Variants in RSRC1 observed in about 807,000 individuals in gnomAD.
RSRC1 encodes the protein arginine and serine rich coiled-coil 1, also known as serine/Arginine-related protein 53.
A neutral mutation model predicts 49.1 loss-of-function variants in RSRC1; 39 were observed. The ratio of observed to expected loss-of-function variants is 0.79; its 90% CI spans 0.61 to 1.04. The LOEUF is 1.04. Among genes scored for constraint, RSRC1 ranks in the 50% least tolerant of loss-of-function variants. The probability of loss-of-function intolerance (pLI) is 0.00; values close to 1 mark genes in which losing one functional copy is unlikely to be tolerated. For synonymous variants in RSRC1, 143 were observed against 130.8 expected (o/e 1.09, Z -0.63); for missense variants, 388 against 402.4 (o/e 0.96, Z 0.31).
chr3:158,376,838 A>G (rs1732402989), intron 6 of RSRC1, among the ~76,000 whole-genome samples: 1 of 144,416 alleles, frequency 6.9e-6, no homozygotes, highest in African/African-American at 2.6e-5. Context: ...TAGTCACTCT[A>G]TATGATTTCA....
intron 6 of RSRC1, among the ~76,000 whole-genome samples, chr3:158,401,512 C>G (rs138300272): frequency 1.3e-5 from 2 of 152,052 alleles, no homozygotes; most frequent in East Asian, 3.9e-4. Context: ...CAAGAAATTG[C>G]ATGTTTTGAG....
intron 4 of RSRC1, among the ~76,000 whole-genome samples, chr3:158,251,275 T>C (rs756086510): frequency 1.3e-5 from 2 of 152,226 alleles, no homozygotes; most frequent in Non-Finnish European, 2.9e-5. Flanking sequence ...TTGTTCTTTT[T>C]ATTCAGGATG....
At chr3:158,372,798 A>G (rs189511758) in intron 6 of RSRC1, among the ~76,000 whole-genome samples, 1 of 151,932 alleles carries the variant, frequency 6.6e-6, no homozygotes, top group African/African-American at 2.4e-5. Flanking sequence ...GAGAATTGGC[A>G]TCTTAACATA....
chr3:158,171,717 A>G (rs1415647886), intron 3 of RSRC1, among the ~76,000 whole-genome samples: 1 of 152,116 alleles, frequency 6.6e-6, no homozygotes, highest in Non-Finnish European at 1.5e-5. Context: ...TGGGAGGCTC[A>G]GGCAGGAGGA....
At chr3:158,198,147 A>T (rs1242421681) in intron 3 of RSRC1, among the ~76,000 whole-genome samples, 1 of 152,038 alleles carries the variant, frequency 6.6e-6, no homozygotes, top group Non-Finnish European at 1.5e-5. Context: ...TAAGTCTCTG[A>T]GGACTTGCTT....
intron 6 of RSRC1, among the ~76,000 whole-genome samples, chr3:158,367,265 T>C (rs935503285): frequency 2.7e-4 from 41 of 152,200 alleles, no homozygotes. Context: ...TGATATTGGC[T>C]GTGGGTTTGT....
chr3:158,162,342 G>T (rs908873099), intron 3 of RSRC1, among the ~76,000 whole-genome samples: 4 of 152,248 alleles, frequency 2.6e-5, no homozygotes, highest in Admixed American at 2.6e-4. Context: ...GGGCCTACTG[G>T]TATATACTTT....
intron 6 of RSRC1, among the ~76,000 whole-genome samples, chr3:158,457,880 G>C (rs577862372): frequency 4.6e-5 from 7 of 151,874 alleles, no homozygotes; most frequent in African/African-American, 1.7e-4. Flanking sequence ...GCAGTAGCTT[G>C]GTTAAAAGAA....
intron 4 of RSRC1, among the ~76,000 whole-genome samples, chr3:158,264,928 C>T (rs950630056): frequency 6.6e-6 from 1 of 152,220 alleles, no homozygotes; most frequent in Non-Finnish European, 1.5e-5. Context: ...ATTGTGTTTT[C>T]TTTTGCCTTT....
intron 5 of RSRC1, among the ~76,000 whole-genome samples, chr3:158,332,750 G>C (rs1729622237): frequency 6.6e-6 from 1 of 151,684 alleles, no homozygotes; most frequent in Admixed American, 6.6e-5. Flanking sequence ...TTACCATTTT[G>C]CTATGTATTT....
chr3:158,144,890 G>A (rs1716985291), intron 3 of RSRC1, among the ~76,000 whole-genome samples: 1 of 152,202 alleles, frequency 6.6e-6, no homozygotes, highest in Admixed American at 6.5e-5. Context: ...GGCCAGTGAT[G>A]ATGAGCATTT....
chr3:158,116,442 A>G (rs1200622607), intron 1 of RSRC1, among the ~76,000 whole-genome samples: 1 of 152,210 alleles, frequency 6.6e-6, no homozygotes, highest in African/African-American at 2.4e-5. Flanking sequence ...TTTCATAAGA[A>G]TATTAAAAAG....
At chr3:158,470,210 C>T (rs181797317) in intron 7 of RSRC1, among the ~76,000 whole-genome samples, 22 of 151,814 alleles carry the variant, frequency 1.4e-4, no homozygotes, top group Middle Eastern at 3.4e-3. Flanking sequence ...GCATCACTGG[C>T]GGACTTATGA....
Position 158,413,790 on chromosome 3 carries a change from A to G in RSRC1, c.584-47145A>G, listed in dbSNP as rs544999499. On this transcript the variant is annotated intron_variant, in intron 6 of 9. Transcript: ENST00000611884. ...CAAATCAAAACCACAATGAGATACC[A>G]TCTCATGCCAATCAAAATGGCAATT... Among the ~76,000 whole-genome samples the G allele has an allele frequency of 1.5e-4, 23 of 152,338 alleles. No individual in the cohort carries two copies. In the East Asian group the frequency reaches 3.9e-3, roughly 26 times the overall value.
chr3:158,172,290 A>T (rs928573719), intron 3 of RSRC1, among the ~76,000 whole-genome samples: 1 of 152,194 alleles, frequency 6.6e-6, no homozygotes, highest in Non-Finnish European at 1.5e-5. Context: ...AAAAAACGTA[A>T]AGGAGAATTA....
intron 4 of RSRC1, among the ~76,000 whole-genome samples, chr3:158,286,819 T>C (rs779334743): frequency 2.0e-5 from 3 of 152,230 alleles, no homozygotes; most frequent in Non-Finnish European, 2.9e-5. Context: ...ATTCAAACTT[T>C]GCTGTTTTCA....
At chr3:158,437,915 A>G (rs1436890423) in intron 6 of RSRC1, among the ~76,000 whole-genome samples, 1 of 152,172 alleles carries the variant, frequency 6.6e-6, no homozygotes, top group African/African-American at 2.4e-5. Flanking sequence ...ATATTTAGAA[A>G]ACTCCATCAT....
At chr3:158,273,406 A>G (rs1409349369) in intron 4 of RSRC1, among the ~76,000 whole-genome samples, 1 of 152,010 alleles carries the variant, frequency 6.6e-6, no homozygotes, top group Non-Finnish European at 1.5e-5. Flanking sequence ...TTTATTTGTT[A>G]TTTATGGATT....
At chr3:158,360,849 G>T (rs1022561679) in intron 6 of RSRC1, among the ~76,000 whole-genome samples, 4 of 152,178 alleles carry the variant, frequency 2.6e-5, no homozygotes, top group Non-Finnish European at 4.4e-5. Context: ...CAACTTGGGG[G>T]CTGCAGCCAT....
Sources: gnomAD v4.1 joint callset for allele counts (sites outside exome capture counted in the v4.1 genomes callset) on GRCh38, gnomAD v4.1.1 for gene constraint, MANE v1.5 for transcripts, NCBI Gene and HGNC (gene_info 2026-07-23, HGNC 2026-07-21) for gene names.